The following MAP2K5 variants were observed in gnomAD, a reference collection of about 807,000 sequenced individuals.
MAP2K5 encodes the protein mitogen-activated protein kinase kinase 5.
Under a neutral mutation model 83.1 loss-of-function variants are expected in MAP2K5, and 49 were observed. The observed-to-expected ratio is 0.59, with a 90% CI of 0.47 to 0.75. MAP2K5 has a LOEUF of 0.75. Among genes scored for constraint, MAP2K5 ranks in the 30% least tolerant of loss-of-function variants. The probability of loss-of-function intolerance (pLI) is 0.00; values close to 1 mark genes in which losing one functional copy is unlikely to be tolerated. For missense variants in MAP2K5, 457 were observed against 557.5 expected (o/e 0.82, Z 1.82); for synonymous variants, 202 against 191.8 (o/e 1.05, Z -0.44).
chr15:67,605,642 G>A (rs1307617317), intron 8 of MAP2K5, among the ~76,000 whole-genome samples: 3 of 152,180 alleles, frequency 2.0e-5, no homozygotes, highest in Admixed American at 1.3e-4. Flanking sequence ...CAGCAGCAAA[G>A]CCAGATTTCT....
rs553267983 is a variant in MAP2K5 at position 67,783,487 on chromosome 15, CTG to C, written c.1242+10738_1242+10739del. On this transcript the variant is annotated intron_variant, in intron 21 of 21. Coordinates refer to ENST00000178640, the MANE Select transcript of MAP2K5 (RefSeq NM_145160.3). The surrounding 1 kb of genome is among the most constrained non-coding windows in gnomAD (Gnocchi z 5.1). ...CTCCGAAACCCAACTGGCACAACCT[CTG>C]TGAAGCTTTGCTAAGCGTGCTTCAG... 1.7e-3 allele frequency among the ~76,000 whole-genome samples: 259 copies of C among 152,334 alleles called. 1 individual carries two copies. The highest frequency in any genetic ancestry group is 2.7e-3 in the Admixed American group (42 of 15,302).
chr15:67,712,116 G>C (rs929968789), intron 16 of MAP2K5, among the ~76,000 whole-genome samples: 2 of 152,180 alleles, frequency 1.3e-5, no homozygotes, highest in Non-Finnish European at 2.9e-5. Context: ...CCATTACTAC[G>C]TTCAGAGGCA....
At chr15:67,714,440 A>C (rs2088781352) in intron 16 of MAP2K5, among the ~76,000 whole-genome samples, 1 of 144,608 alleles carries the variant, frequency 6.9e-6, no homozygotes, top group Non-Finnish European at 1.5e-5. Context: ...AAAAAAAAAA[A>C]AAAAAAAAAA....
In MAP2K5 at chr15:67,596,086, C is replaced by T. The variant is rs191020116; in HGVS notation, c.480+3112C>T. Among the ~76,000 whole-genome samples, 13 of 151,786 alleles carry T rather than the reference C, an allele frequency of 8.6e-5. 1 individual carries two copies. In the East Asian group the frequency reaches 1.7e-3, roughly 20 times the overall value. On this transcript the variant is annotated intron_variant, in intron 7 of 21. Transcript: ENST00000178640. Reference sequence around the variant, plus strand: ...GATCAGATCTAGAACTAATTCTGGTCCAGCTGCATCTTTTGGCTGTTATTT... The same window carrying T: ...GATCAGATCTAGAACTAATTCTGGTTCAGCTGCATCTTTTGGCTGTTATTT...
At chr15:67,568,573 C>T (rs1041780500) in intron 3 of MAP2K5, among the ~76,000 whole-genome samples, 4 of 152,134 alleles carry the variant, frequency 2.6e-5, no homozygotes, top group Non-Finnish European at 4.4e-5. Context: ...CTCTTTGCTC[C>T]TGGTTGTTTT....
chr15:67,549,994 A>C, intron 1 of MAP2K5, 40 bp from the exon 2 acceptor site: 1 of 1,533,790 alleles, frequency 6.5e-7, no homozygotes, highest in South Asian at 1.1e-5. Flanking sequence ...AGCAATAAAG[A>C]AGATGGCTAA....
At chr15:67,773,506 C>A (rs1336455721) in intron 21 of MAP2K5, among the ~76,000 whole-genome samples, 2 of 152,184 alleles carry the variant, frequency 1.3e-5, no homozygotes, top group African/African-American at 4.8e-5. Flanking sequence ...TTTTCTTTCA[C>A]CTTCTTTAAA....
In MAP2K5 at chr15:67,636,388, A is replaced by G. The variant is rs545653930; in HGVS notation, c.585+5461A>G. 4.6e-5 allele frequency among the ~76,000 whole-genome samples: 7 copies of G among 151,948 alleles called. No individual in the cohort carries two copies. Among genetic ancestry groups the G allele is most frequent in the South Asian group, 2.1e-4 (1 of 4,794 alleles). ...GCGCCACTGCACTCCAGCCTGGGCA[A>G]CAGAATAAGACTCCGTCTCAAAAAA... is the stretch of plus-strand genomic sequence containing the variant. On this transcript the variant is annotated intron_variant, in intron 9 of 21. Transcript: ENST00000178640. The surrounding 1 kb of genome is among the most constrained non-coding windows in gnomAD (Gnocchi z 4.7).
In MAP2K5 at chr15:67,640,630, T is replaced by G; in HGVS notation, c.586-5601T>G. 1.0e-6 allele frequency: 1 copy of G among 980,536 alleles called. No individual in the cohort carries two copies. Among genetic ancestry groups the G allele is most frequent in the Non-Finnish European group, 1.2e-6 (1 of 825,476 alleles). 60.7% of individuals were successfully genotyped at this position (980,536 alleles called of 1,614,324 possible). A position where few individuals can be genotyped will look rare whatever the true frequency, so the allele number is the denominator to read the frequency against. ...TAATTTTCCAAGCAAAGTGGTCAGTTGGACCCACACTTTGAATGTCTATGG... is the reference window on the plus strand; with the variant it reads ...TAATTTTCCAAGCAAAGTGGTCAGTGGGACCCACACTTTGAATGTCTATGG... On this transcript the variant is annotated intron_variant, in intron 9 of 21. Transcript: ENST00000178640. This position sits in a 1 kb window ranked among gnomAD's most constrained non-coding sequence, Gnocchi z 4.6.
intron 8 of MAP2K5, among the ~76,000 whole-genome samples, chr15:67,613,610 T>G (rs1217118298): frequency 6.6e-6 from 1 of 152,174 alleles, no homozygotes; most frequent in Non-Finnish European, 1.5e-5. Flanking sequence ...AGGTCTTGAT[T>G]AAAATAAATC....
chr15:67,657,729 T>C (rs1166847268), intron 11 of MAP2K5, among the ~76,000 whole-genome samples: 2 of 152,008 alleles, frequency 1.3e-5, no homozygotes, highest in African/African-American at 4.8e-5. Context: ...GCCATATATA[T>C]ATATATATGC....
At chr15:67,716,152 A>G (rs915706274) in intron 16 of MAP2K5, among the ~76,000 whole-genome samples, 1 of 152,178 alleles carries the variant, frequency 6.6e-6, no homozygotes, top group Non-Finnish European at 1.5e-5. Context: ...TTTAAAAAAG[A>G]ATACTTGATC....
intron 8 of MAP2K5, among the ~76,000 whole-genome samples, chr15:67,623,737 A>G (rs2086243037): frequency 6.6e-6 from 1 of 151,676 alleles, no homozygotes; most frequent in Non-Finnish European, 1.5e-5. Context: ...AGCTGGGATT[A>G]CAGGCACCCA....
chr15:67,746,942 G>A lies in MAP2K5; in HGVS notation c.1075-1289G>A, dbSNP rs1405198476. ...CTTGAGAAACTCACAGTCTAGGTGA[G>A]AGGAACCAACATGTCAAAATGGATA... On this transcript the variant is annotated intron_variant, in intron 17 of 21. Coordinates refer to ENST00000178640, the MANE Select transcript of MAP2K5 (RefSeq NM_145160.3). This position sits in a 1 kb window ranked among gnomAD's most constrained non-coding sequence, Gnocchi z 4.1. 6.6e-6 allele frequency among the ~76,000 whole-genome samples: 1 copy of A among 152,216 alleles called. No homozygotes were observed. Among genetic ancestry groups the A allele is most frequent in the African/African-American group, 2.4e-5 (1 of 41,452 alleles).
chr15:67,560,515 C>G (rs1314162820), intron 2 of MAP2K5, among the ~76,000 whole-genome samples: 3 of 152,212 alleles, frequency 2.0e-5, no homozygotes, highest in Non-Finnish European at 4.4e-5. Flanking sequence ...TTATCCCCAG[C>G]CTTTATTAGA....
Position 67,563,392 on chromosome 15 carries a change from C to T in MAP2K5, c.252+42C>T, listed in dbSNP as rs375398195. ...TGAAGACTATTTTTTAAAATCTTAA[C>T]GTGATTGAGGATGCTGTTTCTTGGG... On this transcript the variant is annotated intron_variant, in intron 3 of 21. Coordinates refer to ENST00000178640, the MANE Select transcript of MAP2K5 (RefSeq NM_145160.3). The surrounding 1 kb of genome is among the most constrained non-coding windows in gnomAD (Gnocchi z 4.5). 22 of 1,583,264 alleles carry T rather than the reference C, an allele frequency of 1.4e-5. No homozygotes were observed. Among genetic ancestry groups the T allele is most frequent in the East Asian group, 1.1e-4 (5 of 44,126 alleles).
chr15:67,580,227 GCTAC>G (rs1361056548), intron 3 of MAP2K5, among the ~76,000 whole-genome samples: 2 of 152,102 alleles, frequency 1.3e-5, no homozygotes, highest in Admixed American at 1.3e-4. Context: ...TTGAAACTAG[GCTAC>G]CTTTTTATCA....
intron 2 of MAP2K5, among the ~76,000 whole-genome samples, chr15:67,558,099 A>G (rs753556090): frequency 1.3e-5 from 2 of 152,164 alleles, no homozygotes; most frequent in Non-Finnish European, 2.9e-5. Context: ...TTTCTTATTA[A>G]TAGTCTTGCT....
At chr15:67,756,561 G>GTA (rs1566953927) in intron 19 of MAP2K5, among the ~76,000 whole-genome samples, 1 of 61,124 alleles carries the variant, frequency 1.6e-5, no homozygotes, top group Non-Finnish European at 3.6e-5. Context: ...GTGTGTGTGT[G>GTA]TTGATAACAC....
Sources: allele counts gnomAD v4.1 joint callset (sites outside exome capture counted in the v4.1 genomes callset), GRCh38; gene constraint gnomAD v4.1.1; non-coding constraint Gnocchi (gnomAD v3.1); transcripts MANE v1.5; gene names NCBI Gene and HGNC (gene_info 2026-07-23, HGNC 2026-07-21).